The following CRTC2 variants were observed in gnomAD, a reference collection of about 807,000 sequenced individuals.
CRTC2 encodes the protein CREB-regulated transcription coactivator 2.
In CRTC2, 25 loss-of-function variants were observed where a neutral mutation model predicts 70.9. The observed-to-expected ratio is 0.35, with a 90% CI of 0.26 to 0.49. CRTC2 has a LOEUF of 0.49. Ranked by LOEUF, CRTC2 falls within the 20% of genes least tolerant of loss-of-function variation. The probability of loss-of-function intolerance (pLI) is 0.98; values close to 1 mark genes in which losing one functional copy is unlikely to be tolerated. For missense variants in CRTC2, 737 were observed against 882.6 expected (o/e 0.83, Z 2.09); for synonymous variants, 330 against 364.1 (o/e 0.91, Z 1.07).
rs369997824 is a variant in CRTC2 at position 153,948,095 on chromosome 1, G to A, written c.*14C>T. ...GGGGATGGGGCCAAGAAGAGGGATG[G>A]TGATGAGGTGCCCTCATTGGAGCCG... On this transcript the variant is annotated 3_prime_UTR_variant, in exon 14 of 14. Transcript: ENST00000368633. 272 of 1,611,232 alleles carry A rather than the reference G, an allele frequency of 1.7e-4. No individual in the cohort carries two copies. In the African/African-American group the frequency reaches 3.2e-3, roughly 19 times the overall value.
At chr1:153,954,184 C>G in intron 4 of CRTC2, 71 bp downstream of exon 4, 1 of 1,201,040 alleles carries the variant, frequency 8.3e-7, no homozygotes, top group African/African-American at 1.5e-5. Context: ...AGCCCCAACC[C>G]AGAAGGGGCA....
At chr1:153,952,859 C>T in intron 6 of CRTC2, 25 bp from the exon 7 acceptor site, 1 of 1,614,130 alleles carries the variant, frequency 6.2e-7, no homozygotes, top group Non-Finnish European at 8.5e-7. Context: ...GTGGCATTGG[C>T]TGCAGTGCTC....
intron 12 of CRTC2, 59 bp downstream of exon 12, chr1:153,949,056 C>T (rs912641868): frequency 1.3e-5 from 21 of 1,569,620 alleles, no homozygotes; most frequent in Non-Finnish European, 1.8e-5. Context: ...GCCATTCAGG[C>T]CCCATTGACC....
At chr1:153,954,786 C>T (rs929547939) in intron 3 of CRTC2, 87 bp downstream of exon 3, 2 of 1,158,290 alleles carry the variant, frequency 1.7e-6, no homozygotes, top group Admixed American at 1.8e-5. Context: ...GGAAGGGACG[C>T]ACAACACTTC....
At chr1:153,952,369 C>G (rs745394726) in intron 9 of CRTC2, 28 bp downstream of exon 9, 1 of 1,613,148 alleles carries the variant, frequency 6.2e-7, no homozygotes, top group African/African-American at 1.3e-5. Flanking sequence ...CTTCCCCCAC[C>G]TCTCAGCCAA....
chr1:153,952,672 A>C, intron 7 of CRTC2, 37 bp from the exon 8 acceptor site: 1 of 1,612,836 alleles, frequency 6.2e-7, no homozygotes, highest in Non-Finnish European at 8.5e-7. Flanking sequence ...AGAGTTGGAG[A>C]AAGAGCCAGT....
At chr1:153,951,946 T>C (rs149606285) in intron 10 of CRTC2, 72 bp downstream of exon 10, 2 of 1,556,320 alleles carry the variant, frequency 1.3e-6, no homozygotes, top group East Asian at 4.5e-5. Flanking sequence ...TCTCAGGTGC[T>C]CAAACCTACC....
rs892907365 is a variant in CRTC2 at position 153,952,269 on chromosome 1, G to C, written c.753-7C>G. The C allele has an allele frequency of 2.5e-6, 4 of 1,600,908 alleles. No individual in the cohort carries two copies. Among genetic ancestry groups the C allele is most frequent in the Non-Finnish European group, 3.4e-6 (4 of 1,172,204 alleles). ...GTCAGGAGATGGAAAGATGCTAGGG[G>C]AAGGAGAGAAAAAGAAAGATGTAAA... On this transcript the variant is annotated splice_region_variant and splice_polypyrimidine_tract_variant and intron_variant, in intron 9 of 13. Coordinates refer to ENST00000368633, the MANE Select transcript of CRTC2 (RefSeq NM_181715.3).
chr1:153,956,485 C>T (rs1160429055), intron 1 of CRTC2, among the ~76,000 whole-genome samples: 1 of 152,224 alleles, frequency 6.6e-6, no homozygotes, highest in African/African-American at 2.4e-5. Flanking sequence ...GGGAGGAGGG[C>T]AGCTGAGGAG....
At chr1:153,958,247 C>T (rs2102127779) in intron 1 of CRTC2, 98 bp downstream of exon 1, 1 of 1,511,346 alleles carries the variant, frequency 6.6e-7, no homozygotes, top group Non-Finnish European at 8.8e-7. Context: ...CTGCTCTGTT[C>T]CGCCTCCTTC....
At chr1:153,951,775 C>T (rs1049183602) in intron 10 of CRTC2, 109 bp from the exon 11 acceptor site, 61 of 1,243,732 alleles carry the variant, frequency 4.9e-5, no homozygotes, top group East Asian at 2.9e-4. Flanking sequence ...GGCAACACAA[C>T]GTCCTCCCTA....
Position 153,954,303 on chromosome 1 carries a change from G to A in CRTC2, c.386C>T (p.Pro129Leu). 6.2e-7 allele frequency: 1 copy of A among 1,612,320 alleles called. No individual in the cohort carries two copies. Residue 129 changes from proline to leucine, a missense_variant, in exon 4 of 14, where the codon CCC becomes CTC. Around this residue, in one of 3 missense-constraint regions of CRTC2, gnomAD observed 699 missense variants for 823.7 expected, o/e 0.85. Coordinates refer to ENST00000368633, the MANE Select transcript of CRTC2 (RefSeq NM_181715.3). ...AGGAGATAAGTAGGCAGGACTATAG[G>A]GAGAGCTGTCAATGTGAACAGCACC... ...RRYTRHIDSS[P>L]YSPAYLSPPP...
chr1:153,951,709 T>C (rs758118842), intron 10 of CRTC2, 43 bp from the exon 11 acceptor site: 4 of 1,601,318 alleles, frequency 2.5e-6, no homozygotes, highest in East Asian at 2.2e-5. Flanking sequence ...ACATTACTGA[T>C]GGGAACTGAG....
At chr1:153,952,349 C>T in intron 9 of CRTC2, 48 bp downstream of exon 9, 1 of 1,609,614 alleles carries the variant, frequency 6.2e-7, no homozygotes, top group African/African-American at 1.3e-5. Flanking sequence ...CCTACATCTC[C>T]CTGTACTTCC....
chr1:153,958,112 G>A, intron 1 of CRTC2: 2 of 1,388,042 alleles, frequency 1.4e-6, no homozygotes, highest in Non-Finnish European at 1.9e-6. Flanking sequence ...CCCACCTCAC[G>A]TACTCGGCCC....
At chr1:153,949,954 A>G (rs1680234827) in intron 11 of CRTC2, among the ~76,000 whole-genome samples, 1 of 152,078 alleles carries the variant, frequency 6.6e-6, no homozygotes, top group African/African-American at 2.4e-5. Context: ...TTTTTGAGAC[A>G]GGGCCTCACT....
In CRTC2 at chr1:153,952,239, G is replaced by C; in HGVS notation, c.776C>G (p.Pro259Arg). 6.2e-7 allele frequency: 1 copy of C among 1,609,984 alleles called. No homozygotes were observed. Among genetic ancestry groups the C allele is most frequent in the Non-Finnish European group, 8.5e-7 (1 of 1,177,282 alleles). Residue 259 changes from proline to arginine, a missense_variant, in exon 10 of 14, where the codon CCT becomes CGT. Physicochemically the swap from Pro to Arg is moderately radical, Grantham distance 103. This residue lies in a region of CRTC2 where 699 missense variants were observed against 823.7 expected (regional missense o/e 0.85). Transcript: ENST00000368633. ...GINIFPSPDQ[P>R]ANVPVLPPAM... ...AGGTGGGAGGACAGGCACATTGGCA[G>C]GCTGGTCAGGAGATGGAAAGATGCT...
At chr1:153,958,032 T>C in intron 1 of CRTC2, 13 of 1,251,032 alleles carry the variant, frequency 1.0e-5, no homozygotes, top group Non-Finnish European at 1.2e-5. Context: ...TCGAGGGGAC[T>C]CCGTCAGGGA....
Position 153,953,282 on chromosome 1 carries a change from C to T in CRTC2, c.591G>A (p.Leu197=). The T allele has an allele frequency of 6.3e-7, 1 of 1,588,872 alleles. No individual in the cohort carries two copies. The highest frequency in any genetic ancestry group is 1.4e-5 in the African/African-American group (1 of 73,346). Residue 197 remains leucine (L), a synonymous_variant, in exon 6 of 14, where the codon CTG becomes CTA. Transcript: ENST00000368633. The part of the protein sequence containing the change: ...TYPGPTPPSI[L]PSRRGGILDG... ...GCCACTTACCCCCACGTCGGCTGGG[C>T]AGGATGCTGGGAGGTGTGGGGCCTG... is the stretch of plus-strand genomic sequence containing the variant.
Sources: allele counts gnomAD v4.1 joint callset (sites outside exome capture counted in the v4.1 genomes callset), GRCh38; gene constraint gnomAD v4.1.1; regional missense constraint gnomAD v4.1.1; transcripts MANE v1.5; gene names NCBI Gene and HGNC (gene_info 2026-07-23, HGNC 2026-07-21).